The following CNTN5 variants were observed in gnomAD, a reference collection of about 807,000 sequenced individuals.
CNTN5 encodes contactin-5.
A neutral mutation model predicts 129.1 loss-of-function variants in CNTN5; 77 were observed. That is an observed-to-expected ratio of 0.60 (90% CI 0.50 to 0.72). The LOEUF (loss-of-function observed/expected upper bound fraction) is 0.72, where lower values mean the gene tolerates loss of function less well. Among genes scored for constraint, CNTN5 ranks in the 30% least tolerant of loss-of-function variants. The pLI is 0.00. For missense variants in CNTN5, 1,478 were observed against 1,328.8 expected (o/e 1.11, Z -1.75); for synonymous variants, 509 against 465.6 (o/e 1.09, Z -1.20).
At chr11:99,289,282 A>C (rs1864072208) in intron 1 of CNTN5, among the ~76,000 whole-genome samples, 1 of 151,696 alleles carries the variant, frequency 6.6e-6, no homozygotes, top group Admixed American at 6.6e-5. Context: ...TTTTTTATTG[A>C]AGCCATTTAA....
rs146162294 is a variant in CNTN5 at position 99,432,506 on chromosome 11, TTCTC to T, written c.-71+107030_-71+107033del. Among the ~76,000 whole-genome samples, 109 of 148,640 alleles carry T rather than the reference TTCTC, an allele frequency of 7.3e-4. 2 individuals carry two copies. The highest frequency in any genetic ancestry group is 3.5e-3 in the Middle Eastern group (1 of 286). ...TTTTCTTTTCTTTTCTTTCTTTTCT[TTCTC>T]TCTCTCTGTCTTTGTTTCTTTTTTA... On this transcript the variant is annotated intron_variant, in intron 2 of 24. Coordinates refer to ENST00000524871, the MANE Select transcript of CNTN5 (RefSeq NM_014361.4).
chr11:99,689,383 T>C (rs957661884), intron 3 of CNTN5, among the ~76,000 whole-genome samples: 82 of 151,718 alleles, frequency 5.4e-4, no homozygotes, highest in South Asian at 4.2e-3. Flanking sequence ...AAAAATTAGC[T>C]GGGCGTGGTG....
intron 8 of CNTN5, among the ~76,000 whole-genome samples, chr11:99,976,141 A>G (rs1937947793): frequency 6.6e-6 from 1 of 152,142 alleles, no homozygotes; most frequent in Non-Finnish European, 1.5e-5. Flanking sequence ...CTCCAAAATA[A>G]TCTCCATTGA....
intron 3 of CNTN5, among the ~76,000 whole-genome samples, chr11:99,641,913 C>A (rs1295671112): frequency 6.6e-6 from 1 of 152,130 alleles, no homozygotes; most frequent in Non-Finnish European, 1.5e-5. Context: ...TTCCTCATCC[C>A]ACCTCTTTGG....
chr11:99,858,069 T>A (rs1434224673), intron 6 of CNTN5, among the ~76,000 whole-genome samples: 1 of 152,112 alleles, frequency 6.6e-6, no homozygotes, highest in Admixed American at 6.5e-5. Context: ...CCTCTTTCAG[T>A]CAGGTTTTTA....
intron 2 of CNTN5, among the ~76,000 whole-genome samples, chr11:99,422,936 C>G (rs1326725736): frequency 6.6e-6 from 1 of 152,052 alleles, no homozygotes; most frequent in East Asian, 1.9e-4. Flanking sequence ...AAAATCTTCT[C>G]CTAACCCAGA....
intron 3 of CNTN5, among the ~76,000 whole-genome samples, chr11:99,796,847 C>T (rs977440148): frequency 2.0e-5 from 3 of 152,190 alleles, no homozygotes; most frequent in Admixed American, 6.5e-5. Flanking sequence ...TCCCCTACTA[C>T]ATCTCTAAGC....
At chr11:99,836,759 A>T (rs1198677269) in intron 4 of CNTN5, among the ~76,000 whole-genome samples, 2 of 152,288 alleles carry the variant, frequency 1.3e-5, no homozygotes, top group Admixed American at 1.3e-4. Flanking sequence ...AGTCTCACCA[A>T]CAGTGTAAAA....
intron 2 of CNTN5, among the ~76,000 whole-genome samples, chr11:99,475,915 C>T (rs1424233295): frequency 6.6e-6 from 1 of 151,968 alleles, no homozygotes; most frequent in East Asian, 1.9e-4. Flanking sequence ...ATCTCTCTCC[C>T]CTTCTTTTCC....
At chr11:100,168,731 A>C (rs1396753683) in intron 13 of CNTN5, among the ~76,000 whole-genome samples, 5 of 152,008 alleles carry the variant, frequency 3.3e-5, no homozygotes. Flanking sequence ...TTAATTTTCA[A>C]GTCTTATTAT....
At chr11:100,055,399 T>A (rs757234053) in intron 9 of CNTN5, among the ~76,000 whole-genome samples, 4 of 151,590 alleles carry the variant, frequency 2.6e-5, no homozygotes, top group Non-Finnish European at 5.9e-5. Context: ...TTCTTACCAC[T>A]TCTTGCATCT....
chr11:99,964,231 C>T (rs917587913), intron 8 of CNTN5, among the ~76,000 whole-genome samples: 3 of 148,890 alleles, frequency 2.0e-5, no homozygotes, highest in Non-Finnish European at 3.0e-5. Context: ...GCATCCCTGT[C>T]TTGTGCCCGT....
chr11:100,098,108 C>A (rs1258542718), intron 13 of CNTN5, among the ~76,000 whole-genome samples: 2 of 151,990 alleles, frequency 1.3e-5, no homozygotes, highest in African/African-American at 4.8e-5. Context: ...CTTTCTGGTC[C>A]ATTTTCATTA....
intron 6 of CNTN5, among the ~76,000 whole-genome samples, chr11:99,902,264 T>C (rs1949378709): frequency 6.6e-6 from 1 of 150,972 alleles, no homozygotes; most frequent in South Asian, 2.1e-4. Flanking sequence ...TTTTTTAACA[T>C]TTTTAAATGT....
At chr11:99,671,347 T>C (rs1953035873) in intron 3 of CNTN5, among the ~76,000 whole-genome samples, 1 of 152,142 alleles carries the variant, frequency 6.6e-6, no homozygotes, top group Non-Finnish European at 1.5e-5. Context: ...GAATAATTAG[T>C]GATTTTATTA....
At chr11:99,482,780 T>G (rs1314230890) in intron 2 of CNTN5, among the ~76,000 whole-genome samples, 3 of 151,996 alleles carry the variant, frequency 2.0e-5, no homozygotes, top group Non-Finnish European at 4.4e-5. Context: ...ATGAAAGAAA[T>G]AATTAATACC....
chr11:99,650,605 C>T (rs1952118930), intron 3 of CNTN5, among the ~76,000 whole-genome samples: 1 of 151,838 alleles, frequency 6.6e-6, no homozygotes, highest in Non-Finnish European at 1.5e-5. Context: ...TAAAAGTTTT[C>T]TTAGTTAAAA....
intron 1 of CNTN5, among the ~76,000 whole-genome samples, chr11:99,292,249 A>G (rs915651969): frequency 1.1e-5 from 1 of 89,856 alleles, no homozygotes; most frequent in African/African-American, 4.2e-5. Flanking sequence ...AAAGCTTACA[A>G]AGTTAAAAAA....
intron 1 of CNTN5, among the ~76,000 whole-genome samples, chr11:99,024,102 G>C (rs1265188623): frequency 1.3e-5 from 2 of 152,118 alleles, no homozygotes; most frequent in Non-Finnish European, 2.9e-5. Context: ...CTCCACATTA[G>C]AGGCTGGTAC....
Sources: allele counts gnomAD v4.1 joint callset (sites outside exome capture counted in the v4.1 genomes callset), GRCh38; gene constraint gnomAD v4.1.1; transcripts MANE v1.5; gene names NCBI Gene and HGNC (gene_info 2026-07-23, HGNC 2026-07-21).